GOLPH3: variants seen among roughly 807,000 people sequenced by gnomAD.
GOLPH3 encodes the protein golgi phosphoprotein 3, also known as coat protein GPP34.
A neutral mutation model predicts 28.5 loss-of-function variants in GOLPH3; 14 were observed. The ratio of observed to expected loss-of-function variants is 0.49; its 90% confidence interval spans 0.32 to 0.77. GOLPH3 has a LOEUF of 0.77. Among genes scored for constraint, GOLPH3 ranks in the 30% least tolerant of loss-of-function variants. GOLPH3 has a pLI of 0.03. For missense variants in GOLPH3, 350 were observed against 393.7 expected, an observed-to-expected ratio of 0.89 and a Z score of 0.94; for synonymous variants, 158 against 159.2, an observed-to-expected ratio of 0.99 and a Z score of 0.06.
At chr5:32,173,282 C>T (rs572116318) in intron 1 of GOLPH3, among the ~76,000 whole-genome samples, 23 of 152,060 alleles carry the variant, frequency 1.5e-4, no homozygotes, top group African/African-American at 5.1e-4. Context: ...GAGCTTTTCC[C>T]TCTATTACCA....
chr5:32,142,865 G>A lies in GOLPH3; in HGVS notation c.357+884C>T, dbSNP rs368529354. Among the ~76,000 whole-genome samples the A allele has an allele frequency of 5.3e-5, 8 of 150,790 alleles. No individual in the cohort carries two copies. The South Asian group carries it at 6.2e-4, about 12-fold the overall frequency. On this transcript the variant is annotated intron_variant, in intron 2 of 3. Transcript: ENST00000265070. ...CCCCGCCCGGCCAGCCGCCCCGTCC[G>A]GGAGGTGAGGGGCGCCTCTGCCCGG... is the stretch of plus-strand genomic sequence containing the variant.
At chr5:32,157,027 A>G (rs1461290405) in intron 1 of GOLPH3, among the ~76,000 whole-genome samples, 1 of 152,234 alleles carries the variant, frequency 6.6e-6, no homozygotes, top group Non-Finnish European at 1.5e-5. Flanking sequence ...AGTTATGATT[A>G]CGTTTTAAAA....
intron 1 of GOLPH3, among the ~76,000 whole-genome samples, chr5:32,163,330 T>C (rs370757527): frequency 1.3e-5 from 2 of 152,296 alleles, no homozygotes; most frequent in South Asian, 4.1e-4. Context: ...TTTATTGAAA[T>C]CATTCGCAAA....
chr5:32,158,023 T>TAAATAAAATAC (rs377527601), intron 1 of GOLPH3, among the ~76,000 whole-genome samples: 10 of 26,758 alleles, frequency 3.7e-4, no homozygotes, highest in African/African-American at 1.4e-3. Context: ...ATAAATAAAA[T>TAAATAAAATAC]ACACACACAC....
In GOLPH3 at chr5:32,124,840, TAAC is replaced by T. The variant is rs1745640136; in HGVS notation, c.*1369_*1371del. 6.6e-6 allele frequency: 1 copy of T among 152,624 alleles called. No individual in the cohort carries two copies. The highest frequency in any genetic ancestry group is 6.5e-5 in the Admixed American group (1 of 15,282). 9.5% of individuals were successfully genotyped at this position (152,624 alleles called of 1,614,324 possible). A position where few individuals can be genotyped will look rare whatever the true frequency, so the allele number is the denominator to read the frequency against. ...CATCTAGTACTTTTGCAATGAATGT[TAAC>T]AACAACAAAAAAAATCTCTAAACAC... On this transcript the variant is annotated 3_prime_UTR_variant, in exon 4 of 4. Coordinates refer to ENST00000265070, the MANE Select transcript of GOLPH3 (RefSeq NM_022130.4).
chr5:32,171,276 G>C (rs767003089), intron 1 of GOLPH3, among the ~76,000 whole-genome samples: 31 of 151,218 alleles, frequency 2.1e-4, no homozygotes, highest in Non-Finnish European at 3.8e-4. Flanking sequence ...TAGCTGATGA[G>C]CTTTAAAAAA....
At chr5:32,170,110 TATTATAG>T (rs1746797568) in intron 1 of GOLPH3, among the ~76,000 whole-genome samples, 1 of 152,180 alleles carries the variant, frequency 6.6e-6, no homozygotes, top group African/African-American at 2.4e-5. Context: ...ATTTTTTAAA[TATTATAG>T]ATTATAAACA....
intron 1 of GOLPH3, among the ~76,000 whole-genome samples, chr5:32,150,438 A>T (rs1305275448): frequency 6.7e-6 from 1 of 149,666 alleles, no homozygotes; most frequent in Non-Finnish European, 1.5e-5. Flanking sequence ...AAAAAAAAAT[A>T]GCCAGGAAAA....
At chr5:32,126,661 G>C in intron 3 of GOLPH3, 25 bp from the exon 4 acceptor site, 1 of 1,587,326 alleles carries the variant, frequency 6.3e-7, no homozygotes, top group Non-Finnish European at 8.6e-7. Context: ...TCAGAAGTTA[G>C]AAATGATGAG....
intron 1 of GOLPH3, among the ~76,000 whole-genome samples, chr5:32,168,014 G>A (rs1746753386): frequency 6.6e-6 from 1 of 152,026 alleles, no homozygotes; most frequent in African/African-American, 2.4e-5. Context: ...CTGAGATCCT[G>A]TATATCTCAT....
intron 1 of GOLPH3, among the ~76,000 whole-genome samples, chr5:32,159,064 G>A (rs1347475737): frequency 1.3e-5 from 2 of 152,294 alleles, no homozygotes; most frequent in Non-Finnish European, 2.9e-5. Context: ...AATGAAATTG[G>A]TCTGCCTGGC....
Position 32,166,381 on chromosome 5 carries a change from A to G in GOLPH3, c.225+7429T>C, listed in dbSNP as rs1410909601. On this transcript the variant is annotated intron_variant, in intron 1 of 3. Coordinates refer to ENST00000265070, the MANE Select transcript of GOLPH3 (RefSeq NM_022130.4). ...AGTCAAAAACCTCAAAATGTACTAG[A>G]TTACATTGTAATACTGTACAATGCT... Among the ~76,000 whole-genome samples the G allele has an allele frequency of 6.6e-5, 10 of 152,362 alleles. No homozygotes were observed. The East Asian group carries it at 1.9e-3, about 29-fold the overall frequency.
chr5:32,143,572 C>T (rs1446882589), intron 2 of GOLPH3, among the ~76,000 whole-genome samples, 177 bp downstream of exon 2: 2 of 152,106 alleles, frequency 1.3e-5, no homozygotes, highest in Non-Finnish European at 2.9e-5. Flanking sequence ...AATTACATTA[C>T]TCATTGTAGG....
At chr5:32,145,812 A>G (rs141222552) in intron 1 of GOLPH3, among the ~76,000 whole-genome samples, 41 of 152,320 alleles carry the variant, frequency 2.7e-4, no homozygotes, top group African/African-American at 9.9e-4. Flanking sequence ...ACATGCTTAA[A>G]CAGAATTGGA....
chr5:32,126,217 T>C lies in GOLPH3; in HGVS notation c.892A>G (p.Lys298Glu). ...VLWAVVAAFTK is the reference protein window; with the variant it reads ...VLWAVVAAFTE ...ATGGTTCACCCCGAGCAGAGTTACT[T>C]GGTGAACGCCGCCACCACCGCCCAC... Residue 298 changes from lysine to glutamate, a missense_variant, in exon 4 of 4, where the codon AAG becomes GAG. Transcript: ENST00000265070. 1 of 1,608,844 alleles carries C rather than the reference T, an allele frequency of 6.2e-7. No individual in the cohort carries two copies. The highest frequency in any genetic ancestry group is 8.5e-7 in the Non-Finnish European group (1 of 1,175,558).
Position 32,163,645 on chromosome 5 carries a change from T to TG in GOLPH3, c.225+10164dup, listed in dbSNP as rs572239633. Among the ~76,000 whole-genome samples the TG allele has an allele frequency of 3.0e-3, 454 of 151,116 alleles. 2 individuals carry two copies. Among genetic ancestry groups the TG allele is most frequent in the African/African-American group, 0.011 (444 of 41,076 alleles). On this transcript the variant is annotated intron_variant, in intron 1 of 3. Transcript: ENST00000265070. ...TCCAGTCTGGCGACAGAGCATGACT[T>TG]GGTCTCAAAAATATATACATATATA...
chr5:32,149,668 A>G (rs535717266), intron 1 of GOLPH3, among the ~76,000 whole-genome samples: 23 of 152,342 alleles, frequency 1.5e-4, no homozygotes, highest in Admixed American at 1.5e-3. Context: ...AAAAGACTAG[A>G]CAAGAAAAGG....
chr5:32,133,571 C>T (rs1159197461), intron 3 of GOLPH3, among the ~76,000 whole-genome samples: 2 of 152,184 alleles, frequency 1.3e-5, no homozygotes, highest in South Asian at 2.1e-4. Flanking sequence ...ACAGTATAAA[C>T]GTTATTAGCA....
chr5:32,151,519 A>G (rs963175130), intron 1 of GOLPH3, among the ~76,000 whole-genome samples: 1 of 152,230 alleles, frequency 6.6e-6, no homozygotes, highest in Non-Finnish European at 1.5e-5. Context: ...AAAAAAATAT[A>G]TATTTTGAAA....
Sources: gnomAD v4.1 joint callset for allele counts (sites outside exome capture counted in the v4.1 genomes callset) on GRCh38, gnomAD v4.1.1 for gene constraint, MANE v1.5 for transcripts, NCBI Gene and HGNC (gene_info 2026-07-23, HGNC 2026-07-21) for gene names.